Variants in NEDD9 observed in about 807,000 individuals in gnomAD.
The protein encoded by NEDD9 is neural precursor cell expressed, developmentally down-regulated 9.
A neutral mutation model predicts 76.6 loss-of-function variants in NEDD9; 26 were observed. The ratio of observed to expected loss-of-function variants is 0.34; its 90% CI spans 0.25 to 0.47. The LOEUF is 0.47. NEDD9 is among the 20% of genes least tolerant of loss of function. The probability of loss-of-function intolerance (pLI) is 1.00; values close to 1 mark genes in which losing one functional copy is unlikely to be tolerated. For missense variants in NEDD9, 937 were observed against 1,058.5 expected (o/e 0.89, Z 1.59); for synonymous variants, 392 against 414.2 (o/e 0.95, Z 0.65).
intron 3 of NEDD9, chr6:11,249,182 A>C: frequency 2.2e-6 from 1 of 456,058 alleles, no homozygotes; most frequent in Non-Finnish European, 4.4e-6. Flanking sequence ...GCCCTTCATA[A>C]TGTTGGTGGG....
chr6:11,224,552 C>T (rs1000447997), intron 1 of NEDD9, among the ~76,000 whole-genome samples: 3 of 152,002 alleles, frequency 2.0e-5, no homozygotes, highest in African/African-American at 4.8e-5. Context: ...CACAGGTCCA[C>T]GAACCCATTT....
At chr6:11,353,403 G>A (rs532815458) in intron 1 of NEDD9, among the ~76,000 whole-genome samples, 27 of 152,308 alleles carry the variant, frequency 1.8e-4, no homozygotes, top group Non-Finnish European at 2.2e-4. Flanking sequence ...GGGAGAAGGC[G>A]GCCCTGTGAA....
intron 3 of NEDD9, among the ~76,000 whole-genome samples, chr6:11,263,679 G>A (rs576977316): frequency 7.2e-5 from 11 of 152,260 alleles, no homozygotes; most frequent in African/African-American, 2.6e-4. Flanking sequence ...TGGCTGGAAG[G>A]GTGTCACACG....
In NEDD9 at chr6:11,253,298, C is replaced by T. The variant is rs147736175; in HGVS notation, c.13-39571G>A. Among the ~76,000 whole-genome samples, 686 of 152,270 alleles carry T rather than the reference C, an allele frequency of 4.5e-3. 7 individuals carry two copies. Among genetic ancestry groups the T allele is most frequent in the Middle Eastern group, 0.01 (3 of 294 alleles). ...AAGATATAATGAAATCAGACAAGGC[C>T]TCCCCGCTTGTAGGAATCTGGCCTC... On this transcript the variant is annotated intron_variant, in intron 3 of 3. Transcript: ENST00000397378.
At chr6:11,217,976 A>G (rs1759005689) in intron 1 of NEDD9, among the ~76,000 whole-genome samples, 1 of 152,228 alleles carries the variant, frequency 6.6e-6, no homozygotes, top group Non-Finnish European at 1.5e-5. Context: ...ACTGGAGACT[A>G]AATCTTTTTC....
chr6:11,222,565 C>CT (rs1409812468), intron 1 of NEDD9, among the ~76,000 whole-genome samples: 3 of 152,206 alleles, frequency 2.0e-5, no homozygotes, highest in African/African-American at 7.2e-5. Flanking sequence ...GAGACAAGCT[C>CT]TTACACGCAC....
At chr6:11,285,286 G>A (rs1760624199) in intron 3 of NEDD9, among the ~76,000 whole-genome samples, 1 of 151,990 alleles carries the variant, frequency 6.6e-6, no homozygotes, top group Non-Finnish European at 1.5e-5. Flanking sequence ...TGATATTTTG[G>A]TGTACAGTTC....
intron 2 of NEDD9, among the ~76,000 whole-genome samples, chr6:11,319,738 GCACACA>G (rs112941814): frequency 8.3e-6 from 1 of 120,470 alleles, no homozygotes; most frequent in African/African-American, 3.7e-5. Flanking sequence ...ACACTAACAT[GCACACA>G]CACACTAACA....
upstream of NEDD9, among the ~76,000 whole-genome samples, chr6:11,236,044 A>G (rs1759592481): frequency 6.6e-6 from 1 of 152,210 alleles, no homozygotes; most frequent in Admixed American, 6.5e-5. The surrounding 1 kb of genome is among the most constrained non-coding windows in gnomAD (Gnocchi z 5.5). Flanking sequence ...TATTAGTGTC[A>G]TTTAGTATGT....
chr6:11,218,621 A>C (rs116777726), intron 1 of NEDD9, among the ~76,000 whole-genome samples: 431 of 152,302 alleles, frequency 2.8e-3, no homozygotes, highest in African/African-American at 9.9e-3. Context: ...AGACTCAGTA[A>C]ATGTTTGCTA....
At chr6:11,268,315 G>A (rs1225821618) in intron 3 of NEDD9, among the ~76,000 whole-genome samples, 5 of 152,124 alleles carry the variant, frequency 3.3e-5, no homozygotes, top group Admixed American at 2.6e-4. Context: ...ACAGGCGGGA[G>A]CCACCACTCC....
chr6:11,215,061 C>T (rs903801706), intron 1 of NEDD9, among the ~76,000 whole-genome samples: 1 of 152,218 alleles, frequency 6.6e-6, no homozygotes, highest in African/African-American at 2.4e-5. Flanking sequence ...TCCCCTTGTG[C>T]TAGCCCCATT....
chr6:11,193,332 GAAAAATCTACTTTCT>G (rs1758208950), intron 3 of NEDD9, among the ~76,000 whole-genome samples: 2 of 150,072 alleles, frequency 1.3e-5, no homozygotes, highest in Admixed American at 1.3e-4. Flanking sequence ...AAAGAAAAAA[GAAAAATCTACTTTCT>G]GAAGCAAAAT....
intron 3 of NEDD9, chr6:11,248,868 G>T: frequency 2.9e-6 from 1 of 340,060 alleles, no homozygotes; most frequent in South Asian, 2.3e-5. Context: ...CTGAGGACTT[G>T]ATGAAGTGTC....
At chr6:11,308,578 C>T (rs1439735539) in intron 2 of NEDD9, among the ~76,000 whole-genome samples, 1 of 151,906 alleles carries the variant, frequency 6.6e-6, no homozygotes, top group Middle Eastern at 3.2e-3. Flanking sequence ...ATCGTGTTAG[C>T]CAGGATGGTC....
At chr6:11,334,122 G>A (rs1762101450) in intron 2 of NEDD9, among the ~76,000 whole-genome samples, 1 of 152,070 alleles carries the variant, frequency 6.6e-6, no homozygotes, top group Non-Finnish European at 1.5e-5. Flanking sequence ...CAAAAATCAA[G>A]TTCTATAAAG....
chr6:11,193,785 C>T, intron 2 of NEDD9, 93 bp from the exon 3 acceptor site: 1 of 741,956 alleles, frequency 1.3e-6, no homozygotes. Context: ...TCAACTCTCC[C>T]TCATAAAAAG....
At chr6:11,285,449 T>A (rs1397871476) in intron 3 of NEDD9, among the ~76,000 whole-genome samples, 1 of 152,098 alleles carries the variant, frequency 6.6e-6, no homozygotes, top group Admixed American at 6.5e-5. Flanking sequence ...ATCACCCCAA[T>A]CAAAAGCCCA....
intron 3 of NEDD9, among the ~76,000 whole-genome samples, chr6:11,269,287 G>A (rs1460801133): frequency 6.6e-6 from 1 of 152,214 alleles, no homozygotes; most frequent in East Asian, 1.9e-4. Flanking sequence ...AGAGAATTTG[G>A]GGATGAGGAT....
Sources: allele counts gnomAD v4.1 joint callset (sites outside exome capture counted in the v4.1 genomes callset), GRCh38; gene constraint gnomAD v4.1.1; non-coding constraint Gnocchi (gnomAD v3.1); transcripts MANE v1.5; gene names NCBI Gene and HGNC (gene_info 2026-07-23, HGNC 2026-07-21).